Variants in LAMB4 observed in about 807,000 individuals in gnomAD.
The protein encoded by LAMB4 is laminin subunit beta-4.
Under a neutral mutation model 199.2 loss-of-function variants are expected in LAMB4, and 196 were observed. The ratio of observed to expected loss-of-function variants is 0.98; its 90% CI spans 0.88 to 1.11. LAMB4 has a LOEUF of 1.11. Among genes scored for constraint, LAMB4 ranks in the 50% least tolerant of loss-of-function variants. LAMB4 has a pLI of 0.00. For missense variants in LAMB4, 2,080 were observed against 2,171.2 expected (o/e 0.96, Z 0.83); for synonymous variants, 744 against 770.6 (o/e 0.97, Z 0.57).
At chr7:108,091,933 A>T (rs2037421259) in intron 13 of LAMB4, among the ~76,000 whole-genome samples, 157 bp from the exon 14 acceptor site, 1 of 152,216 alleles carries the variant, frequency 6.6e-6, no homozygotes, top group Non-Finnish European at 1.5e-5. Context: ...CATGGGTTTA[A>T]CATAACTGGT....
intron 28 of LAMB4, among the ~76,000 whole-genome samples, chr7:108,045,770 C>T (rs1400465792): frequency 6.6e-6 from 1 of 152,130 alleles, no homozygotes; most frequent in Non-Finnish European, 1.5e-5. Flanking sequence ...GCCTGGCACA[C>T]AGTAGGTGGA....
chr7:108,048,386 A>G (rs7801206), intron 27 of LAMB4, among the ~76,000 whole-genome samples: 26,776 of 151,864 alleles, frequency 0.18, 7,197 homozygotes, highest in African/African-American at 0.58. Flanking sequence ...GGCTGGTCTC[A>G]AACTCCTGAC....
chr7:108,073,126 TC>T (rs1380900228), intron 17 of LAMB4, among the ~76,000 whole-genome samples: 2 of 152,162 alleles, frequency 1.3e-5, no homozygotes, highest in Admixed American at 1.3e-4. Flanking sequence ...TGCCTCAGCC[TC>T]CCCAAGTAGC....
At chr7:108,121,082 A>G (rs1185145311) in intron 2 of LAMB4, among the ~76,000 whole-genome samples, 1 of 152,240 alleles carries the variant, frequency 6.6e-6, no homozygotes, top group Non-Finnish European at 1.5e-5. Context: ...GCCAAATCAC[A>G]TTAGCAACGG....
chr7:108,081,477 C>T (rs1478492838), intron 14 of LAMB4, among the ~76,000 whole-genome samples: 1 of 152,232 alleles, frequency 6.6e-6, no homozygotes, highest in African/African-American at 2.4e-5. Context: ...TATCTTTTCT[C>T]CTTCACTCTC....
chr7:108,079,796 G>T lies in LAMB4; in HGVS notation c.1702-10C>A. The T allele has an allele frequency of 6.4e-7, 1 of 1,562,780 alleles. No individual in the cohort carries two copies. ...CAAACGTCTCCGAGCCCTAAAATGG[G>T]AGAGGAATGTAAATAGCTTTGCCTA... On this transcript the variant is annotated splice_polypyrimidine_tract_variant and intron_variant, in intron 14 of 33. Coordinates refer to ENST00000388781, the MANE Select transcript of LAMB4 (RefSeq NM_007356.3).
intron 1 of LAMB4, among the ~76,000 whole-genome samples, chr7:108,126,671 TCTC>T (rs2150707771): frequency 7.0e-6 from 1 of 142,378 alleles, no homozygotes; most frequent in African/African-American, 2.6e-5. Context: ...TTCACGCCAT[TCTC>T]CTGCCTCAGC....
At chr7:108,098,136 C>A (rs181210786) in intron 11 of LAMB4, among the ~76,000 whole-genome samples, 1 of 152,254 alleles carries the variant, frequency 6.6e-6, no homozygotes, top group African/African-American at 2.4e-5. Flanking sequence ...AGTTTGAAAC[C>A]AGCCTGGCCA....
chr7:108,086,330 A>G (rs1463337917), intron 14 of LAMB4, among the ~76,000 whole-genome samples: 1 of 152,066 alleles, frequency 6.6e-6, no homozygotes. Flanking sequence ...CCCTCACTCC[A>G]TTATAGGCTT....
chr7:108,109,835 G>C (rs1037862369), intron 4 of LAMB4, among the ~76,000 whole-genome samples: 2 of 152,116 alleles, frequency 1.3e-5, no homozygotes, highest in Non-Finnish European at 2.9e-5. Context: ...TGGGGTATCA[G>C]CCCTAACCTG....
chr7:108,099,410 G>C (rs1229467527), intron 10 of LAMB4, among the ~76,000 whole-genome samples: 1 of 152,240 alleles, frequency 6.6e-6, no homozygotes, highest in Non-Finnish European at 1.5e-5. Flanking sequence ...AACCAGGAGA[G>C]AGTAGAAGTC....
At chr7:108,051,827 T>C (rs544454118) in intron 26 of LAMB4, among the ~76,000 whole-genome samples, 1 of 152,210 alleles carries the variant, frequency 6.6e-6, no homozygotes, top group Non-Finnish European at 1.5e-5. Flanking sequence ...ACCCCTTACA[T>C]GGGTTTGGCA....
At chr7:108,106,089 T>A (rs1190452740) in intron 7 of LAMB4, 58 bp from the exon 8 acceptor site, 16 of 1,252,396 alleles carry the variant, frequency 1.3e-5, no homozygotes, top group Non-Finnish European at 1.9e-5. Flanking sequence ...TTCAAGGGAC[T>A]CTTCTTGACT....
chr7:108,030,732 A>G, intron 32 of LAMB4, 74 bp downstream of exon 32: 1 of 1,429,410 alleles, frequency 7.0e-7, no homozygotes, highest in Non-Finnish European at 9.7e-7. Flanking sequence ...TGGCACAAAA[A>G]TCTGGGGTTA....
intron 14 of LAMB4, among the ~76,000 whole-genome samples, chr7:108,080,146 T>C (rs2036874401): frequency 6.6e-6 from 1 of 152,192 alleles, no homozygotes; most frequent in Non-Finnish European, 1.5e-5. Flanking sequence ...TGGAGGCTAT[T>C]CCCATGCCCA....
intron 1 of LAMB4, among the ~76,000 whole-genome samples, chr7:108,127,465 C>T (rs1013211450): frequency 6.6e-6 from 1 of 152,154 alleles, no homozygotes. Flanking sequence ...GTTCTCCAAG[C>T]GTAGTCCATG....
chr7:108,099,063 T>G (rs1223750705), intron 10 of LAMB4, among the ~76,000 whole-genome samples: 2 of 152,188 alleles, frequency 1.3e-5, no homozygotes, highest in Non-Finnish European at 2.9e-5. Context: ...CTCTGAAACG[T>G]GCTTAAAAAG....
At chr7:108,034,139 A>G in intron 31 of LAMB4, 69 bp downstream of exon 31, 2 of 1,435,320 alleles carry the variant, frequency 1.4e-6, no homozygotes, top group East Asian at 4.6e-5. Flanking sequence ...GCATTGGCAT[A>G]CATAAAAAGC....
chr7:108,049,152 CT>C (rs571045276), intron 27 of LAMB4, among the ~76,000 whole-genome samples, 173 bp downstream of exon 27: 32 of 150,660 alleles, frequency 2.1e-4, no homozygotes, highest in African/African-American at 7.0e-4. Flanking sequence ...AAAAATAAGG[CT>C]TTTTATAGTA....
Sources: gnomAD v4.1 joint callset for allele counts (sites outside exome capture counted in the v4.1 genomes callset) on GRCh38, gnomAD v4.1.1 for gene constraint, MANE v1.5 for transcripts, NCBI Gene and HGNC (gene_info 2026-07-23, HGNC 2026-07-21) for gene names.